The following CPA3 variants were observed in gnomAD, a reference collection of about 807,000 sequenced individuals.
The protein encoded by CPA3 is mast cell carboxypeptidase A.
A neutral mutation model predicts 55.8 loss-of-function variants in CPA3; 52 were observed. That is an observed-to-expected ratio of 0.93 (90% confidence interval 0.75 to 1.17). CPA3 has a LOEUF of 1.17. CPA3 is among the 50% of genes most tolerant of loss of function. The pLI, the probability that CPA3 is intolerant of heterozygous loss-of-function variation, is 0.00. For missense variants in CPA3, 547 were observed against 509.1 expected (o/e 1.07, Z -0.72); for synonymous variants, 179 against 171.2 (o/e 1.05, Z -0.36).
At chr3:148,880,473 A>T (rs1050307166) in intron 6 of CPA3, among the ~76,000 whole-genome samples, 3 of 152,042 alleles carry the variant, frequency 2.0e-5, no homozygotes, top group Admixed American at 6.6e-5. Context: ...CTGGAACTAC[A>T]GGCATGCGCC....
At chr3:148,885,404 GTCTT>G (rs1335262228) in intron 9 of CPA3, among the ~76,000 whole-genome samples, 2 of 124,672 alleles carry the variant, frequency 1.6e-5, no homozygotes, top group African/African-American at 5.6e-5. Context: ...GCATATTTAA[GTCTT>G]TTTTTTTTTT....
intron 2 of CPA3, among the ~76,000 whole-genome samples, chr3:148,868,287 G>A (rs1241571728): frequency 6.6e-6 from 1 of 151,792 alleles, no homozygotes; most frequent in African/African-American, 2.4e-5. Flanking sequence ...AAAAAAATCT[G>A]CACCTGTTAA....
chr3:148,868,955 C>T lies in CPA3; in HGVS notation c.185C>T (p.Ala62Val), dbSNP rs75478109. 414 of 1,614,052 alleles carry T rather than the reference C, an allele frequency of 2.6e-4. 2 individuals carry two copies. In the African/African-American group the frequency reaches 4.9e-3, roughly 19 times the overall value. ...WYPGATHHVAANMMVDFRVSE... is the reference protein window; with the variant it reads ...WYPGATHHVAVNMMVDFRVSE... ...CCAGGTGCCACCCACCACGTAGCTG[C>T]TAATATGATGGTGGATTTCCGAGTT... Residue 62 changes from alanine (A) to valine (V), a missense_variant, in exon 3 of 11, where the codon GCT becomes GTT. Ala to Val is a moderately conservative substitution (Grantham distance 64). Transcript: ENST00000296046.
chr3:148,880,196 C>T (rs2108034312), intron 6 of CPA3, among the ~76,000 whole-genome samples: 1 of 152,270 alleles, frequency 6.6e-6, no homozygotes, highest in South Asian at 2.1e-4. Flanking sequence ...ACATAACCTA[C>T]AAATGTAACT....
chr3:148,871,249 A>G (rs1184450340), intron 3 of CPA3, among the ~76,000 whole-genome samples: 1 of 152,164 alleles, frequency 6.6e-6, no homozygotes, highest in East Asian at 1.9e-4. Flanking sequence ...CTTTACTTCA[A>G]TAATATAGAC....
At chr3:148,868,274 G>GA (rs3841927) in intron 2 of CPA3, among the ~76,000 whole-genome samples, 87,124 of 151,134 alleles carry the variant, frequency 0.58, 25,936 homozygotes, top group Middle Eastern at 0.68. Context: ...GAAGAGAAAG[G>GA]AAAAAAAAAT....
intron 10 of CPA3, among the ~76,000 whole-genome samples, chr3:148,892,064 G>C (rs973625300): frequency 6.6e-6 from 1 of 151,782 alleles, no homozygotes; most frequent in East Asian, 1.9e-4. Flanking sequence ...CCATTCCTTT[G>C]GCTTCCTTGA....
At chr3:148,882,017 G>C (rs1415707358) in intron 7 of CPA3, among the ~76,000 whole-genome samples, 2 of 152,000 alleles carry the variant, frequency 1.3e-5, no homozygotes, top group Non-Finnish European at 2.9e-5. Context: ...AAAAATAAAA[G>C]AGAGGTACAG....
At position 148,890,569 on chromosome 3, in the gene CPA3, C is replaced by T. The variant is rs1455033854; in HGVS notation, c.1066+4392C>T. Among the ~76,000 whole-genome samples, 5 of 152,176 alleles carry T rather than the reference C, an allele frequency of 3.3e-5. No homozygotes were observed. In the East Asian group the frequency reaches 9.6e-4, roughly 29 times the overall value. On this transcript the variant is annotated intron_variant, in intron 10 of 10. Transcript: ENST00000296046. ...AGATCTCTACTTACTAAGAGACATT[C>T]AAACTGATATTACAGAGAAAATATT...
chr3:148,867,060 G>A (rs1260975510), intron 2 of CPA3, among the ~76,000 whole-genome samples: 2 of 152,100 alleles, frequency 1.3e-5, no homozygotes, highest in Admixed American at 6.6e-5. Context: ...CCAGTCAGAA[G>A]CATTTTCTTT....
intron 9 of CPA3, among the ~76,000 whole-genome samples, chr3:148,885,487 T>C (rs1371689940): frequency 7.3e-6 from 1 of 137,206 alleles, no homozygotes; most frequent in African/African-American, 2.7e-5. Context: ...CTTGGCTCAC[T>C]ACAACCTCCG....
intron 8 of CPA3, among the ~76,000 whole-genome samples, chr3:148,883,293 G>A (rs1714423374): frequency 1.3e-5 from 2 of 152,196 alleles, no homozygotes; most frequent in African/African-American, 4.8e-5. Flanking sequence ...CAGCGCATTA[G>A]AGCTGGGGTT....
At chr3:148,881,754 T>C (rs1449104511) in intron 7 of CPA3, 122 bp downstream of exon 7, 2 of 478,462 alleles carry the variant, frequency 4.2e-6, no homozygotes, top group Non-Finnish European at 7.0e-6. Flanking sequence ...AGTATATTTT[T>C]TAAAATCTCA....
intron 10 of CPA3, among the ~76,000 whole-genome samples, chr3:148,893,255 G>A (rs183571528): frequency 1.3e-5 from 2 of 149,394 alleles, no homozygotes; most frequent in Admixed American, 6.7e-5. Context: ...AAAAAAAAAT[G>A]CCTCAACAAA....
In CPA3 at chr3:148,878,444, C is replaced by A. The variant is rs746693413; in HGVS notation, c.273C>A (p.Ile91=). Residue 91 remains isoleucine (I), a synonymous_variant, in exon 4 of 11, where the codon ATC becomes ATA. Transcript: ENST00000296046. ...TTATCATTCCCCTGTCAAACAGAATCTTGATTCATGATCTACAAGAAGAGA... is the reference window on the plus strand; with the variant it reads ...TTATCATTCCCCTGTCAAACAGAATATTGATTCATGATCTACAAGAAGAGA... ...ALDQNKMHYE[I]LIHDLQEEIE... 1.2e-5 allele frequency: 19 copies of A among 1,600,912 alleles called. No homozygotes were observed. The South Asian group carries it at 2.1e-4, about 18-fold the overall frequency.
rs556855582 is a variant in CPA3, at chr3:148,889,975, G to A, written c.1066+3798G>A. ...TTTCATCAGTCTGAGGAGGAGCTCGGCACTCAATTTTTTTTTAAGTACCTT... is the reference window on the plus strand; with the variant it reads ...TTTCATCAGTCTGAGGAGGAGCTCGACACTCAATTTTTTTTTAAGTACCTT... On this transcript the variant is annotated intron_variant, in intron 10 of 10. Transcript: ENST00000296046. Among the ~76,000 whole-genome samples, 4 of 152,020 alleles carry A rather than the reference G, an allele frequency of 2.6e-5. No homozygotes were observed. In the East Asian group the frequency reaches 7.7e-4, roughly 29 times the overall value.
intron 10 of CPA3, among the ~76,000 whole-genome samples, chr3:148,888,774 C>T (rs1270749513): frequency 6.6e-6 from 1 of 152,152 alleles, no homozygotes; most frequent in Non-Finnish European, 1.5e-5. Flanking sequence ...TGTGTATCCA[C>T]AAAAGTATGA....
chr3:148,886,529 T>G (rs1576584284), intron 10 of CPA3, among the ~76,000 whole-genome samples: 1 of 150,018 alleles, frequency 6.7e-6, no homozygotes. Context: ...TTCACTGGAG[T>G]GAGAAAAAAA....
At chr3:148,876,858 T>C (rs1714218556) in intron 3 of CPA3, among the ~76,000 whole-genome samples, 1 of 152,184 alleles carries the variant, frequency 6.6e-6, no homozygotes, top group Non-Finnish European at 1.5e-5. Flanking sequence ...TACTTGCATA[T>C]ATGATGATGA....
Sources: allele counts gnomAD v4.1 joint callset (sites outside exome capture counted in the v4.1 genomes callset), GRCh38; gene constraint gnomAD v4.1.1; transcripts MANE v1.5; gene names NCBI Gene and HGNC (gene_info 2026-07-23, HGNC 2026-07-21).